Variants in PKHD1L1 observed in about 807,000 individuals in gnomAD.
The protein encoded by PKHD1L1 is fibrocystin-L.
A neutral mutation model predicts 462.9 loss-of-function variants in PKHD1L1; 434 were observed. The ratio of observed to expected loss-of-function variants is 0.94; its 90% CI spans 0.87 to 1.02. The LOEUF (loss-of-function observed/expected upper bound fraction) is 1.02, where lower values mean the gene tolerates loss of function less well. Ranked by LOEUF, PKHD1L1 falls within the 50% of genes least tolerant of loss-of-function variation. The pLI, the probability that PKHD1L1 is intolerant of heterozygous loss-of-function variation, is 0.00. For synonymous variants in PKHD1L1, 1,781 were observed against 1,750.0 expected, an observed-to-expected ratio of 1.02 and a Z score of -0.44; for missense variants, 5,202 against 5,096.1, an observed-to-expected ratio of 1.02 and a Z score of -0.63.
chr8:109,489,637 G>T (rs1818728058), intron 59 of PKHD1L1, among the ~76,000 whole-genome samples: 1 of 151,746 alleles, frequency 6.6e-6, no homozygotes, highest in South Asian at 2.1e-4. Context: ...TAGTTCTTGA[G>T]GTGGGGGCAA....
chr8:109,373,537 C>T (rs1228943239), intron 2 of PKHD1L1, among the ~76,000 whole-genome samples: 2 of 152,014 alleles, frequency 1.3e-5, no homozygotes, highest in African/African-American at 4.8e-5. Flanking sequence ...TATTTCTTGC[C>T]TTCTGCTAGC....
chr8:109,430,678 A>G (rs1586494033), intron 27 of PKHD1L1, among the ~76,000 whole-genome samples: 2 of 152,112 alleles, frequency 1.3e-5, no homozygotes, highest in African/African-American at 4.8e-5. Context: ...AGAAAAATAA[A>G]CTCATATGCT....
At chr8:109,384,254 A>G (rs1428767454) in intron 5 of PKHD1L1, 127 bp downstream of exon 5, 4 of 798,088 alleles carry the variant, frequency 5.0e-6, no homozygotes, top group Non-Finnish European at 7.9e-6. Flanking sequence ...AAAAATAACT[A>G]TCAGCCAGGC....
intron 71 of PKHD1L1, among the ~76,000 whole-genome samples, chr8:109,514,259 G>A (rs921252994): frequency 4.6e-5 from 7 of 152,006 alleles, no homozygotes; most frequent in Admixed American, 2.6e-4. Flanking sequence ...CCAAGATCAC[G>A]CCTCCTTGCT....
rs749807295 is a variant in PKHD1L1, at chr8:109,464,687, C to G, written c.7855C>G (p.Gln2619Glu). 3 of 1,613,654 alleles carry G rather than the reference C, an allele frequency of 1.9e-6. No homozygotes were observed. Among genetic ancestry groups the G allele is most frequent in the Admixed American group, 3.3e-5 (2 of 59,990 alleles). ...ATTTTTTAACAATACTGTCCATTCT[C>G]AAGGTTGGTTTGGAATGTGGATCTT... ...GEFFNNTVHS[Q>E]GWFGMWIFEE... The change falls in exon 49 of 78, where the codon CAA (glutamine) becomes GAA (glutamate). Residue 2619 changes from glutamine to glutamate, a missense_variant. Coordinates refer to ENST00000378402, the MANE Select transcript of PKHD1L1 (RefSeq NM_177531.6).
intron 56 of PKHD1L1, 79 bp from the exon 57 acceptor site, chr8:109,482,908 A>G: frequency 1.3e-6 from 1 of 795,652 alleles, no homozygotes. Flanking sequence ...AAAATATATC[A>G]ATGAACATTT....
chr8:109,507,780 A>G lies in PKHD1L1; in HGVS notation c.11112A>G (p.Glu3704=). ...CTGGTTCTGTGATACCTCAAGCAGA[A>G]TATGAATGGGACGGAAACAGCCAAG... is the stretch of plus-strand genomic sequence containing the variant. ...GNAGSVIPQA[E]YEWDGNSQVG... Residue 3704 remains glutamate (E), a synonymous_variant, in exon 69 of 78, where the codon GAA becomes GAG. Coordinates refer to ENST00000378402, the MANE Select transcript of PKHD1L1 (RefSeq NM_177531.6). 6.2e-7 allele frequency: 1 copy of G among 1,613,540 alleles called. No homozygotes were observed. The highest frequency in any genetic ancestry group is 1.3e-5 in the African/African-American group (1 of 74,984).
At chr8:109,516,048 A>G (rs971747432) in intron 72 of PKHD1L1, among the ~76,000 whole-genome samples, 7 of 152,158 alleles carry the variant, frequency 4.6e-5, no homozygotes, top group African/African-American at 1.7e-4. Context: ...AGAAGAAGTC[A>G]TATTCCTACT....
At chr8:109,401,619 T>G in intron 14 of PKHD1L1, 31 bp downstream of exon 14, 1 of 1,179,102 alleles carries the variant, frequency 8.5e-7, no homozygotes, top group Non-Finnish European at 1.2e-6. Flanking sequence ...TAAATTACTG[T>G]GTGGTATTTA....
chr8:109,388,280 A>T (rs1812534503), intron 6 of PKHD1L1, among the ~76,000 whole-genome samples: 1 of 152,062 alleles, frequency 6.6e-6, no homozygotes, highest in Non-Finnish European at 1.5e-5. Flanking sequence ...CAACAAAGGA[A>T]CCTTTGTTAA....
intron 46 of PKHD1L1, among the ~76,000 whole-genome samples, chr8:109,458,552 T>G (rs73704012): frequency 0.015 from 2,256 of 152,224 alleles, 28 homozygotes; most frequent in Middle Eastern, 0.054. Context: ...ACTGCAGCGT[T>G]GTTGCTCTGA....
chr8:109,388,557 A>T lies in PKHD1L1; in HGVS notation c.623+7A>T. On this transcript the variant is annotated splice_region_variant and intron_variant, in intron 7 of 77. Transcript: ENST00000378402. ...TACCACAATCTGATAATTTGTAAGT[A>T]ATTCAAATTATTTTCTTTACAAAAA... is the stretch of plus-strand genomic sequence containing the variant. 1.3e-6 allele frequency: 2 copies of T among 1,490,386 alleles called. No individual in the cohort carries two copies. The highest frequency in any genetic ancestry group is 1.8e-6 in the Non-Finnish European group (2 of 1,094,582). 92.3% of individuals were successfully genotyped at this position (1,490,386 alleles called of 1,614,324 possible). A position where few individuals can be genotyped will look rare whatever the true frequency, so the allele number is the denominator to read the frequency against.
chr8:109,379,355 GA>G (rs1448296519), intron 2 of PKHD1L1, among the ~76,000 whole-genome samples: 4 of 152,140 alleles, frequency 2.6e-5, no homozygotes, highest in Non-Finnish European at 4.4e-5. Flanking sequence ...TACTGCCATA[GA>G]ATTCCATAAA....
chr8:109,454,645 A>G, intron 44 of PKHD1L1, 78 bp from the exon 45 acceptor site: 1 of 1,545,990 alleles, frequency 6.5e-7, no homozygotes, highest in Non-Finnish European at 8.8e-7. Context: ...GAGGATAGAA[A>G]AGAACTACTT....
intron 28 of PKHD1L1, among the ~76,000 whole-genome samples, chr8:109,434,264 AAAATATC>A (rs1815269661): frequency 6.6e-6 from 1 of 152,056 alleles, no homozygotes. Context: ...AAAAGAGAGA[AAAATATC>A]ACTCTTCCCA....
At chr8:109,437,432 T>C (rs1446404554) in intron 30 of PKHD1L1, among the ~76,000 whole-genome samples, 1 of 151,790 alleles carries the variant, frequency 6.6e-6, no homozygotes, top group South Asian at 2.1e-4. Context: ...CATGTTGGTG[T>C]GCTGCACCCA....
intron 43 of PKHD1L1, among the ~76,000 whole-genome samples, chr8:109,453,252 T>G (rs11778756): frequency 0.16 from 24,518 of 152,078 alleles, 2,238 homozygotes; most frequent in South Asian, 0.27. Context: ...TGAAAAACAC[T>G]GATGTAGTGG....
chr8:109,395,847 T>C (rs1343033553), intron 10 of PKHD1L1, among the ~76,000 whole-genome samples, 180 bp from the exon 11 acceptor site: 1 of 152,200 alleles, frequency 6.6e-6, no homozygotes. Context: ...CAATGCCATG[T>C]CTATTGTCCT....
intron 16 of PKHD1L1, among the ~76,000 whole-genome samples, chr8:109,405,995 A>G (rs1205687530): frequency 6.6e-6 from 1 of 152,204 alleles, no homozygotes; most frequent in East Asian, 1.9e-4. Flanking sequence ...ATATTTTACA[A>G]TAAATCCTAA....
Sources: allele counts gnomAD v4.1 joint callset (sites outside exome capture counted in the v4.1 genomes callset), GRCh38; gene constraint gnomAD v4.1.1; transcripts MANE v1.5; gene names NCBI Gene and HGNC (gene_info 2026-07-23, HGNC 2026-07-21).